The following MTF2 variants were observed in gnomAD, a reference collection of about 807,000 sequenced individuals.
MTF2 encodes metal response element binding transcription factor 2.
In MTF2, 11 loss-of-function variants were observed where a neutral mutation model predicts 79.5. That is an observed-to-expected ratio of 0.14 (90% CI 0.09 to 0.23). MTF2 has a LOEUF of 0.23. Ranked by LOEUF, MTF2 falls within the 10% of genes least tolerant of loss-of-function variation. The pLI, the probability that MTF2 is intolerant of heterozygous loss-of-function variation, is 1.00. For missense variants in MTF2, 486 were observed against 711.2 expected (o/e 0.68, Z 3.60); for synonymous variants, 208 against 232.8 (o/e 0.89, Z 0.97).
intron 14 of MTF2, among the ~76,000 whole-genome samples, chr1:93,135,138 C>A (rs1037233948): frequency 6.6e-6 from 1 of 151,820 alleles, no homozygotes; most frequent in Non-Finnish European, 1.5e-5. Flanking sequence ...GCCCAGCTAA[C>A]TTTTTGTATT....
chr1:93,127,977 T>C (rs1390975160), intron 10 of MTF2, among the ~76,000 whole-genome samples: 6 of 152,134 alleles, frequency 3.9e-5, no homozygotes, highest in Non-Finnish European at 8.8e-5. Context: ...TTGTTGGCAA[T>C]AAGTTGGTGT....
rs1409493199 is a variant in MTF2 at position 93,137,415 on chromosome 1, TTTG to T, written c.*391_*393del. ...AGCACAAGTATTTGGAGAAACGTTGTTTGTTTTGTTACCAAAATGTTGGAAAAA... is the reference window on the plus strand; with the variant it reads ...AGCACAAGTATTTGGAGAAACGTTGTTTTTGTTACCAAAATGTTGGAAAAA... On this transcript the variant is annotated 3_prime_UTR_variant, in exon 15 of 15. Coordinates refer to ENST00000370298, the MANE Select transcript of MTF2 (RefSeq NM_007358.4). 1 of 160,178 alleles carries T rather than the reference TTTG, an allele frequency of 6.2e-6. No homozygotes were observed. The highest frequency in any genetic ancestry group is 1.4e-5 in the Non-Finnish European group (1 of 72,760). 9.9% of individuals were successfully genotyped at this position (160,178 alleles called of 1,614,324 possible).
intron 1 of MTF2, among the ~76,000 whole-genome samples, chr1:93,096,759 C>A (rs1299188407): frequency 6.7e-6 from 1 of 149,448 alleles, no homozygotes; most frequent in African/African-American, 2.5e-5. Context: ...ATGATTTCTT[C>A]TTTGGCCCAT....
chr1:93,118,528 T>C, intron 7 of MTF2, 88 bp downstream of exon 7: 2 of 856,368 alleles, frequency 2.3e-6, no homozygotes, highest in Non-Finnish European at 3.5e-6. Context: ...CTAAAGATAG[T>C]TTCAACAGTG....
chr1:93,121,316 C>G, intron 9 of MTF2: 1 of 861,992 alleles, frequency 1.2e-6, no homozygotes, highest in Non-Finnish European at 1.4e-6. Context: ...AGAAAAGTAA[C>G]TAGAATAAGT....
intron 1 of MTF2, among the ~76,000 whole-genome samples, chr1:93,091,823 G>C (rs1003371421): frequency 1.3e-5 from 2 of 152,144 alleles, no homozygotes; most frequent in Non-Finnish European, 2.9e-5. Flanking sequence ...GAGAACCACT[G>C]CCTTATTAAA....
In MTF2 at chr1:93,110,526, G is replaced by A; in HGVS notation, c.205-19G>A. Reference sequence around the variant, plus strand: ...TTTAATTTTAAGAGATCACCGTTAAGTATTTCTCTGTATTGCAGATAAACA... The same window carrying A: ...TTTAATTTTAAGAGATCACCGTTAAATATTTCTCTGTATTGCAGATAAACA... On this transcript the variant is annotated intron_variant, in intron 2 of 14. Transcript: ENST00000370298. The A allele has an allele frequency of 6.2e-7, 1 of 1,604,896 alleles. No individual in the cohort carries two copies. Among genetic ancestry groups the A allele is most frequent in the Non-Finnish European group, 8.5e-7 (1 of 1,172,544 alleles).
Position 93,133,793 on chromosome 1 carries a change from T to G in MTF2, c.1251T>G (p.Thr417=). ...GPYTRKMIQK[T]AEPLLDKESI... ...ATACAAGAAAAATGATTCAAAAAACTGCTGAGCCACTTTTGGTAAGAGGAT... is the reference window on the plus strand; with the variant it reads ...ATACAAGAAAAATGATTCAAAAAACGGCTGAGCCACTTTTGGTAAGAGGAT... The change falls in exon 12 of 15, where the codon ACT becomes ACG. Residue 417 remains threonine, a synonymous_variant. Coordinates refer to ENST00000370298, the MANE Select transcript of MTF2 (RefSeq NM_007358.4). The G allele has an allele frequency of 6.2e-7, 1 of 1,608,332 alleles. No individual in the cohort carries two copies. The highest frequency in any genetic ancestry group is 1.3e-5 in the African/African-American group (1 of 74,856).
chr1:93,085,189 C>CT (rs1032984521), intron 1 of MTF2, among the ~76,000 whole-genome samples: 5 of 150,398 alleles, frequency 3.3e-5, no homozygotes, highest in African/African-American at 1.2e-4. Context: ...TCTTTTCTTT[C>CT]TTTCTTTTTT....
At chr1:93,103,558 A>G (rs1655636322) in intron 1 of MTF2, among the ~76,000 whole-genome samples, 2 of 152,080 alleles carry the variant, frequency 1.3e-5, no homozygotes, top group Non-Finnish European at 1.5e-5. Context: ...TGTAGTACAA[A>G]TAAGAATCAG....
intron 9 of MTF2, among the ~76,000 whole-genome samples, chr1:93,123,332 G>A (rs200224497): frequency 6.8e-6 from 1 of 148,102 alleles, no homozygotes; most frequent in East Asian, 2.0e-4. Context: ...GCTCACTGAA[G>A]CCTTGAACTC....
At chr1:93,134,442 T>C (rs947132525) in intron 14 of MTF2, 1 of 426,702 alleles carries the variant, frequency 2.3e-6, no homozygotes, top group African/African-American at 2.1e-5. Context: ...AGAGAAAAAG[T>C]ATACCATTGT....
intron 11 of MTF2, among the ~76,000 whole-genome samples, chr1:93,133,079 T>A (rs1647211106): frequency 6.6e-6 from 1 of 151,946 alleles, no homozygotes; most frequent in Admixed American, 6.5e-5. Context: ...AATGGTTTTC[T>A]AGGTCTTTCT....
intron 9 of MTF2, chr1:93,121,579 G>T (rs1656479949): frequency 1.0e-6 from 1 of 978,392 alleles, no homozygotes; most frequent in African/African-American, 1.8e-5. Flanking sequence ...CTTTTTGGGG[G>T]TTTATGGGAT....
At chr1:93,097,041 C>T (rs1655320156) in intron 1 of MTF2, among the ~76,000 whole-genome samples, 1 of 152,048 alleles carries the variant, frequency 6.6e-6, no homozygotes, top group Non-Finnish European at 1.5e-5. Context: ...AACTCCTGAG[C>T]TCAAATGATC....
At chr1:93,111,268 A>G (rs1656018015) in intron 3 of MTF2, among the ~76,000 whole-genome samples, 1 of 152,190 alleles carries the variant, frequency 6.6e-6, no homozygotes, top group African/African-American at 2.4e-5. Flanking sequence ...GTACTTTTAA[A>G]AATTACAATC....
At chr1:93,081,638 T>G (rs1279186156) in intron 1 of MTF2, among the ~76,000 whole-genome samples, 1 of 152,190 alleles carries the variant, frequency 6.6e-6, no homozygotes, top group African/African-American at 2.4e-5. Flanking sequence ...ATGTAAAAGT[T>G]TCCCTGTGGA....
At chr1:93,101,872 C>G (rs1655560872) in intron 1 of MTF2, among the ~76,000 whole-genome samples, 1 of 152,128 alleles carries the variant, frequency 6.6e-6, no homozygotes, top group Non-Finnish European at 1.5e-5. Context: ...GCCACAATGC[C>G]TGGCCCGTCT....
chr1:93,101,981 A>G (rs1268806800), intron 1 of MTF2, among the ~76,000 whole-genome samples: 3 of 152,154 alleles, frequency 2.0e-5, no homozygotes, highest in East Asian at 3.9e-4. Context: ...TGCCCGTTGT[A>G]TAACAACTAC....
Sources: allele counts gnomAD v4.1 joint callset (sites outside exome capture counted in the v4.1 genomes callset), GRCh38; gene constraint gnomAD v4.1.1; transcripts MANE v1.5; gene names NCBI Gene and HGNC (gene_info 2026-07-23, HGNC 2026-07-21).